GRIK4: variants seen among roughly 807,000 people sequenced by gnomAD.
GRIK4 encodes the protein glutamate ionotropic receptor kainate type subunit 4.
In GRIK4, 40 loss-of-function variants were observed where a neutral mutation model predicts 104.9. The ratio of observed to expected loss-of-function variants is 0.38; its 90% CI spans 0.30 to 0.50. The LOEUF is 0.50. Among genes scored for constraint, GRIK4 ranks in the 20% least tolerant of loss-of-function variants. GRIK4 has a pLI of 0.93. For missense variants in GRIK4, 1,047 were observed against 1,308.1 expected (o/e 0.80, Z 3.08); for synonymous variants, 485 against 524.9 (o/e 0.92, Z 1.04).
chr11:120,801,879 G>A (rs1275300797), intron 3 of GRIK4, among the ~76,000 whole-genome samples: 1 of 152,142 alleles, frequency 6.6e-6, no homozygotes, highest in Non-Finnish European at 1.5e-5. Flanking sequence ...TAAAAGCGAG[G>A]CAACTGAGGT....
At chr11:120,914,704 G>T (rs554103674) in intron 13 of GRIK4, among the ~76,000 whole-genome samples, 8 of 152,282 alleles carry the variant, frequency 5.3e-5, no homozygotes, top group African/African-American at 1.9e-4. Context: ...TTATGTGTTT[G>T]GATCTTTATA....
intron 3 of GRIK4, among the ~76,000 whole-genome samples, chr11:120,733,741 T>C (rs1951178444): frequency 6.6e-6 from 1 of 150,696 alleles, no homozygotes; most frequent in African/African-American, 2.5e-5. Flanking sequence ...TCTCCCTTTT[T>C]TTTTTTTTTT....
intron 3 of GRIK4, among the ~76,000 whole-genome samples, chr11:120,691,895 C>G (rs1950370655): frequency 1.3e-5 from 2 of 152,190 alleles, no homozygotes; most frequent in African/African-American, 4.8e-5. Context: ...GGATGGGGAG[C>G]ATTCTCCAGT....
At chr11:120,723,297 T>C (rs78184086) in intron 3 of GRIK4, among the ~76,000 whole-genome samples, 2,390 of 152,298 alleles carry the variant, frequency 0.016, 57 homozygotes, top group African/African-American at 0.054. Flanking sequence ...CACCCACCAC[T>C]CTTCCAGGCC....
At chr11:120,831,544 T>C (rs1414822185) in intron 6 of GRIK4, among the ~76,000 whole-genome samples, 1 of 152,016 alleles carries the variant, frequency 6.6e-6, no homozygotes, top group African/African-American at 2.4e-5. Context: ...TCGAGGGTGG[T>C]GGGGAGGAGG....
chr11:120,535,316 T>G (rs1947963181), intron 1 of GRIK4, among the ~76,000 whole-genome samples: 1 of 138,110 alleles, frequency 7.2e-6, no homozygotes, highest in Non-Finnish European at 1.6e-5. Context: ...GCAGGGAGGG[T>G]TGGGGAGGGC....
At chr11:120,616,511 AC>A (rs1268611824) in intron 1 of GRIK4, among the ~76,000 whole-genome samples, 1 of 152,136 alleles carries the variant, frequency 6.6e-6, no homozygotes, top group African/African-American at 2.4e-5. Flanking sequence ...GGAAGATTTG[AC>A]CCTAGGCTAT....
chr11:120,986,654 T>C lies in GRIK4; in HGVS notation c.*394T>C. On this transcript the variant is annotated 3_prime_UTR_variant, in exon 21 of 21. Transcript: ENST00000527524. ...GTCAGGGGCCAATGTACCCTCCGTCTAGTTCTTACAGAAAAAAAAAAAATT... is the reference window on the plus strand; with the variant it reads ...GTCAGGGGCCAATGTACCCTCCGTCCAGTTCTTACAGAAAAAAAAAAAATT... 5.8e-6 allele frequency: 1 copy of C among 171,310 alleles called. No homozygotes were observed. Among genetic ancestry groups the C allele is most frequent in the African/African-American group, 2.4e-5 (1 of 42,192 alleles). The allele number at this position is 171,310 out of a possible 1,614,324, so 10.6% of individuals were successfully genotyped here. A position where few individuals can be genotyped will look rare whatever the true frequency, so the allele number is the denominator to read the frequency against.
At chr11:120,821,848 G>C (rs577672683) in intron 6 of GRIK4, among the ~76,000 whole-genome samples, 41 of 152,308 alleles carry the variant, frequency 2.7e-4, no homozygotes, top group Admixed American at 2.4e-3. Flanking sequence ...AGAGCAACAC[G>C]CAGCCTCTGT....
At chr11:120,702,163 C>A (rs1361695357) in intron 3 of GRIK4, among the ~76,000 whole-genome samples, 1 of 152,100 alleles carries the variant, frequency 6.6e-6, no homozygotes, top group Non-Finnish European at 1.5e-5. Flanking sequence ...ACCATGTTGG[C>A]CAGGATGGCC....
intron 8 of GRIK4, among the ~76,000 whole-genome samples, chr11:120,850,796 C>CATTATT (rs60692595): frequency 0.17 from 24,639 of 144,632 alleles, 2,221 homozygotes; most frequent in African/African-American, 0.19. Flanking sequence ...TGGCAAATCA[C>CATTATT]ATTATTATTA....
intron 9 of GRIK4, among the ~76,000 whole-genome samples, chr11:120,863,156 G>A (rs561186282): frequency 6.6e-6 from 1 of 152,318 alleles, no homozygotes; most frequent in African/African-American, 2.4e-5. Context: ...CTGGCTAGAT[G>A]GAAGTACAGT....
intron 11 of GRIK4, among the ~76,000 whole-genome samples, chr11:120,887,601 G>A (rs1276621466): frequency 6.6e-6 from 1 of 152,178 alleles, no homozygotes; most frequent in Non-Finnish European, 1.5e-5. Flanking sequence ...ACCCTGTATA[G>A]GCCAGGCACT....
At chr11:120,532,989 G>A (rs1947937817) in intron 1 of GRIK4, among the ~76,000 whole-genome samples, 1 of 152,192 alleles carries the variant, frequency 6.6e-6, no homozygotes, top group Non-Finnish European at 1.5e-5. Context: ...ACTTAGTGGT[G>A]GAGACAGAGA....
At chr11:120,706,639 A>C (rs1196988157) in intron 3 of GRIK4, among the ~76,000 whole-genome samples, 1 of 152,206 alleles carries the variant, frequency 6.6e-6, no homozygotes, top group Non-Finnish European at 1.5e-5. Flanking sequence ...TCTGGCCTAG[A>C]AAACGTTCGA....
chr11:120,874,034 C>A (rs1285314443), intron 9 of GRIK4, 32 bp from the exon 10 acceptor site: 12 of 1,581,530 alleles, frequency 7.6e-6, no homozygotes, highest in Middle Eastern at 3.3e-4. Context: ...CCTCTCACTC[C>A]CTCCCTCCGC....
chr11:120,835,387 G>A (rs780055212), intron 7 of GRIK4, among the ~76,000 whole-genome samples: 1 of 152,188 alleles, frequency 6.6e-6, no homozygotes, highest in Non-Finnish European at 1.5e-5. Context: ...AATTAGCCAG[G>A]TGTGGTCGTG....
chr11:120,909,972 C>T (rs770194841), intron 13 of GRIK4, among the ~76,000 whole-genome samples: 1 of 152,174 alleles, frequency 6.6e-6, no homozygotes, highest in Non-Finnish European at 1.5e-5. Context: ...ATGAATGGGT[C>T]ATGAGCACTC....
intron 11 of GRIK4, among the ~76,000 whole-genome samples, chr11:120,884,868 C>A (rs541141993): frequency 9.2e-5 from 14 of 152,258 alleles, no homozygotes; most frequent in Admixed American, 2.0e-4. Flanking sequence ...CTCAGGCCAT[C>A]GCAGAAAGCT....
Sources: allele counts gnomAD v4.1 joint callset (sites outside exome capture counted in the v4.1 genomes callset), GRCh38; gene constraint gnomAD v4.1.1; transcripts MANE v1.5; gene names NCBI Gene and HGNC (gene_info 2026-07-23, HGNC 2026-07-21).